Variants in KSR2 observed in about 807,000 individuals in gnomAD.
The protein encoded by KSR2 is kinase suppressor of ras 2.
A neutral mutation model predicts 107.8 loss-of-function variants in KSR2; 25 were observed. The observed-to-expected ratio is 0.23, with a 90% CI of 0.17 to 0.32. The LOEUF is 0.32. KSR2 is among the 10% of genes least tolerant of loss of function. The pLI, the probability that KSR2 is intolerant of heterozygous loss-of-function variation, is 1.00. For missense variants in KSR2, 887 were observed against 1,268.9 expected (o/e 0.70, Z 4.57); for synonymous variants, 480 against 507.0 (o/e 0.95, Z 0.71).
intron 3 of KSR2, among the ~76,000 whole-genome samples, chr12:117,833,298 T>C (rs1892055067): frequency 6.6e-6 from 1 of 152,176 alleles, no homozygotes; most frequent in South Asian, 2.1e-4. Context: ...CAATGCCTTA[T>C]ACATAGTAGA....
At chr12:117,746,312 AC>A (rs1273004491) in intron 4 of KSR2, among the ~76,000 whole-genome samples, 6 of 152,302 alleles carry the variant, frequency 3.9e-5, no homozygotes, top group Admixed American at 3.9e-4. Flanking sequence ...GACAAACCTG[AC>A]AAAAACAAGC....
At chr12:117,687,022 T>C (rs1885601390) in intron 4 of KSR2, among the ~76,000 whole-genome samples, 1 of 152,178 alleles carries the variant, frequency 6.6e-6, no homozygotes, top group Non-Finnish European at 1.5e-5. Context: ...CAGTGAGCTC[T>C]TAGCTTCCTC....
chr12:117,524,020 G>A (rs905106897), intron 14 of KSR2, among the ~76,000 whole-genome samples: 1 of 152,062 alleles, frequency 6.6e-6, no homozygotes, highest in Non-Finnish European at 1.5e-5. Flanking sequence ...ACGGCCCATG[G>A]GACAAATACA....
intron 4 of KSR2, among the ~76,000 whole-genome samples, chr12:117,749,477 T>C (rs1275595226): frequency 3.3e-5 from 5 of 149,884 alleles, no homozygotes; most frequent in Non-Finnish European, 5.9e-5. Context: ...CGATATACCA[T>C]AGGAAAAAAA....
chr12:117,756,923 T>G lies in KSR2; in HGVS notation c.986+4088A>C, dbSNP rs566000530. Reference sequence around the variant, plus strand: ...TACAAAAATTAGCCAGGCATGATGGTGGGCACCTGTAATCCCAGCTACTCA... The same window carrying G: ...TACAAAAATTAGCCAGGCATGATGGGGGGCACCTGTAATCCCAGCTACTCA... On this transcript the variant is annotated intron_variant, in intron 4 of 19. Transcript: ENST00000339824. Among the ~76,000 whole-genome samples, 187 of 151,970 alleles carry G rather than the reference T, an allele frequency of 1.2e-3. 1 individual carries two copies. The highest frequency in any genetic ancestry group is 7.5e-3 in the South Asian group (36 of 4,784).
intron 8 of KSR2, among the ~76,000 whole-genome samples, chr12:117,556,998 C>T (rs1877746412): frequency 6.6e-6 from 1 of 152,058 alleles, no homozygotes; most frequent in African/African-American, 2.4e-5. Flanking sequence ...AACCCTGTCT[C>T]TATTAAAAAT....
At chr12:117,588,993 A>T (rs10850848) in intron 5 of KSR2, among the ~76,000 whole-genome samples, 1 of 152,176 alleles carries the variant, frequency 6.6e-6, no homozygotes, top group African/African-American at 2.4e-5. Flanking sequence ...TTGTATCCAT[A>T]GTTTACAGAT....
intron 3 of KSR2, among the ~76,000 whole-genome samples, chr12:117,778,963 C>A (rs779824376): frequency 1.2e-4 from 19 of 152,176 alleles, no homozygotes; most frequent in Non-Finnish European, 2.4e-4. Flanking sequence ...ATTTTTATCT[C>A]CCAACAACTG....
At chr12:117,536,962 C>T (rs1016887864) in intron 10 of KSR2, among the ~76,000 whole-genome samples, 2 of 152,196 alleles carry the variant, frequency 1.3e-5, no homozygotes, top group Non-Finnish European at 2.9e-5. Context: ...CCTGTAATCC[C>T]AGCACTTTGG....
At chr12:117,857,214 A>C (rs1426061308) in intron 2 of KSR2, among the ~76,000 whole-genome samples, 1 of 152,062 alleles carries the variant, frequency 6.6e-6, no homozygotes, top group Non-Finnish European at 1.5e-5. Flanking sequence ...ATGCACCAAC[A>C]TGCCTGGCTA....
intron 9 of KSR2, among the ~76,000 whole-genome samples, chr12:117,541,755 T>C (rs1355270633): frequency 1.1e-4 from 16 of 152,170 alleles, no homozygotes; most frequent in Admixed American, 1.0e-3. Flanking sequence ...ATTCTCTGTC[T>C]AGATGCTTAC....
At chr12:117,641,133 C>T (rs1261940808) in intron 5 of KSR2, among the ~76,000 whole-genome samples, 4 of 152,108 alleles carry the variant, frequency 2.6e-5, no homozygotes, top group Non-Finnish European at 4.4e-5. Context: ...AATCTCACTC[C>T]GTTGCCCAGG....
At chr12:117,603,644 C>A (rs1047569963) in intron 5 of KSR2, among the ~76,000 whole-genome samples, 2 of 152,222 alleles carry the variant, frequency 1.3e-5, no homozygotes, top group Admixed American at 1.3e-4. Flanking sequence ...GCCATCAATG[C>A]TGCCTCTGGC....
chr12:117,667,746 T>C (rs1884728169), intron 4 of KSR2, 88 bp from the exon 5 acceptor site: 2 of 1,138,446 alleles, frequency 1.8e-6, no homozygotes, highest in Non-Finnish European at 2.4e-6. Flanking sequence ...GTGTTTCCCA[T>C]GAGGGGTCCA....
intron 5 of KSR2, among the ~76,000 whole-genome samples, chr12:117,595,076 G>A (rs1035574344): frequency 1.3e-4 from 20 of 152,288 alleles, no homozygotes; most frequent in African/African-American, 4.6e-4. Context: ...AGGAGAGGCA[G>A]AGCTTGACCC....
intron 4 of KSR2, among the ~76,000 whole-genome samples, chr12:117,713,879 C>T (rs1015933346): frequency 1.7e-4 from 26 of 152,168 alleles, no homozygotes; most frequent in African/African-American, 5.8e-4. Context: ...ACTCCAGCTC[C>T]CTGATGCCAG....
intron 3 of KSR2, among the ~76,000 whole-genome samples, chr12:117,775,914 A>G (rs567575757): frequency 6.6e-6 from 1 of 152,202 alleles, no homozygotes; most frequent in Non-Finnish European, 1.5e-5. Context: ...AAAATAATAC[A>G]ATGGACTTTG....
chr12:117,942,856 T>C (rs992484803), intron 1 of KSR2, among the ~76,000 whole-genome samples: 6 of 152,258 alleles, frequency 3.9e-5, no homozygotes, highest in Admixed American at 3.9e-4. Flanking sequence ...TTCAAAAATA[T>C]TTATTAAGGC....
At chr12:117,878,126 A>T (rs953616588) in intron 1 of KSR2, among the ~76,000 whole-genome samples, 3 of 96,192 alleles carry the variant, frequency 3.1e-5, no homozygotes, top group Non-Finnish European at 5.3e-5. Flanking sequence ...GGGCAAAATA[A>T]GAATTCAGGC....
Sources: allele counts gnomAD v4.1 joint callset (sites outside exome capture counted in the v4.1 genomes callset), GRCh38; gene constraint gnomAD v4.1.1; transcripts MANE v1.5; gene names NCBI Gene and HGNC (gene_info 2026-07-23, HGNC 2026-07-21).